MYH14: variants seen among roughly 807,000 people sequenced by gnomAD.
MYH14 encodes myosin-14.
Under a neutral mutation model 255.5 loss-of-function variants are expected in MYH14, and 123 were observed. The ratio of observed to expected loss-of-function variants is 0.48; its 90% CI spans 0.42 to 0.56. The LOEUF (loss-of-function observed/expected upper bound fraction) is 0.56, where lower values mean the gene tolerates loss of function less well. MYH14 is among the 20% of genes least tolerant of loss of function. The pLI is 0.00. For synonymous variants in MYH14, 1,095 were observed against 1,161.2 expected (o/e 0.94, Z 1.16); for missense variants, 2,423 against 2,802.3 (o/e 0.86, Z 3.06).
chr19:50,250,585 T>C lies in MYH14; in HGVS notation c.1727T>C (p.Phe576Ser). The C allele has an allele frequency of 6.2e-7, 1 of 1,613,950 alleles. No individual in the cohort carries two copies. Among genetic ancestry groups the C allele is most frequent in the Non-Finnish European group, 8.5e-7 (1 of 1,179,918 alleles). Residue 576 changes from phenylalanine to serine, a missense_variant, in exon 15 of 43, where the codon TTT becomes TCT. By Grantham distance (155) the Phe-to-Ser change is radical. Transcript: ENST00000642316. This position sits in a 1 kb window ranked among gnomAD's most constrained non-coding sequence, Gnocchi z 5.4. The part of the protein sequence containing the change: ...CWFPKATDKS[F>S]VEKVAQEQGG... Reference sequence around the variant, plus strand: ...TTCCCGAAGGCCACAGACAAGTCGTTTGTGGAGAAGGTAGCCCAGGAGCAG... The same window carrying C: ...TTCCCGAAGGCCACAGACAAGTCGTCTGTGGAGAAGGTAGCCCAGGAGCAG...
Position 50,223,069 on chromosome 19 carries a change from T to C in MYH14, c.563-14T>C. 1 of 1,612,906 alleles carries C rather than the reference T, an allele frequency of 6.2e-7. No homozygotes were observed. Among genetic ancestry groups the C allele is most frequent in the Non-Finnish European group, 8.5e-7 (1 of 1,178,920 alleles). ...TCTCTCAGATGACATATTCCCCCACTCTGTCCCCTACAGATCGTGAGGACC... is the reference window on the plus strand; with the variant it reads ...TCTCTCAGATGACATATTCCCCCACCCTGTCCCCTACAGATCGTGAGGACC... On this transcript the variant is annotated splice_polypyrimidine_tract_variant and intron_variant, in intron 3 of 42. Transcript: ENST00000642316.
Position 50,280,216 on chromosome 19 carries a change from C to G in MYH14, c.4138-15C>G, listed in dbSNP as rs1280138775. ...TCCCAGCCACACCTGACATTGCCGT[C>G]TCCTCCATCTACAGGAGCTGCTGCA... On this transcript the variant is annotated splice_polypyrimidine_tract_variant and intron_variant, in intron 31 of 42. Transcript: ENST00000642316. This position sits in a 1 kb window ranked among gnomAD's most constrained non-coding sequence, Gnocchi z 4.8. 1 of 1,553,078 alleles carries G rather than the reference C, an allele frequency of 6.4e-7. No individual in the cohort carries two copies. Among genetic ancestry groups the G allele is most frequent in the African/African-American group, 1.4e-5 (1 of 73,120 alleles).
chr19:50,222,253 G>C lies in MYH14; in HGVS notation c.563-830G>C, dbSNP rs548704830. Among the ~76,000 whole-genome samples the C allele has an allele frequency of 4.6e-5, 7 of 152,106 alleles. No homozygotes were observed. In the East Asian group the frequency reaches 1.2e-3, roughly 25 times the overall value. On this transcript the variant is annotated intron_variant, in intron 3 of 42. Coordinates refer to ENST00000642316, the MANE Select transcript of MYH14 (RefSeq NM_001145809.2). ...CCCAGCACTTTGGGAGGCCGAGGCCGGTGGATCACGAGGTCAGGAGATCGA... is the reference window on the plus strand; with the variant it reads ...CCCAGCACTTTGGGAGGCCGAGGCCCGTGGATCACGAGGTCAGGAGATCGA...
At chr19:50,231,543 T>C (rs1409239676) in intron 9 of MYH14, among the ~76,000 whole-genome samples, 1 of 151,786 alleles carries the variant, frequency 6.6e-6, no homozygotes, top group Non-Finnish European at 1.5e-5. Context: ...CCCCCATCTC[T>C]GTAAATAATA....
rs908404789 is a variant in MYH14 at position 50,289,768 on chromosome 19, C to T, written c.4965+120C>T. The stretch of plus-strand genomic sequence containing the variant: ...CCCACCCACCACTCTGTCTCCTCCA[C>T]CCGCCGACCACTCAGTATCTCCCCA... On this transcript the variant is annotated intron_variant, in intron 35 of 42. Transcript: ENST00000642316. 1.3e-5 allele frequency: 11 copies of T among 872,068 alleles called. No homozygotes were observed. In the Admixed American group the frequency reaches 2.4e-4, roughly 19 times the overall value. 54.0% of individuals were successfully genotyped at this position (872,068 alleles called of 1,614,324 possible). A position where few individuals can be genotyped will look rare whatever the true frequency, so the allele number is the denominator to read the frequency against.
intron 36 of MYH14, 120 bp from the exon 37 acceptor site, chr19:50,292,141 C>A: frequency 9.3e-7 from 1 of 1,075,468 alleles, no homozygotes; most frequent in Non-Finnish European, 1.3e-6. Context: ...CTGCAGGGTT[C>A]GGAGAGTTCC....
chr19:50,259,326 C>T (rs1358332429), intron 19 of MYH14, 61 bp downstream of exon 19: 2 of 1,542,688 alleles, frequency 1.3e-6, no homozygotes, highest in Non-Finnish European at 1.8e-6. Flanking sequence ...GGTCTGGAAG[C>T]CGACACACCT....
chr19:50,292,576 G>A (rs1289623786), intron 37 of MYH14, among the ~76,000 whole-genome samples, 187 bp downstream of exon 37: 1 of 150,350 alleles, frequency 6.7e-6, no homozygotes, highest in Non-Finnish European at 1.5e-5. Flanking sequence ...AGGTGGGCGG[G>A]GCTAACCACA....
rs117406720 is a variant in MYH14 at position 50,240,483 on chromosome 19, G to A, written c.1115-3759G>A. Among the ~76,000 whole-genome samples, 21 of 152,236 alleles carry A rather than the reference G, an allele frequency of 1.4e-4. No homozygotes were observed. The East Asian group carries it at 4.1e-3, about 29-fold the overall frequency. On this transcript the variant is annotated intron_variant, in intron 10 of 42. Transcript: ENST00000642316. ...GTAGTCCAGCTACTCAGAAGGCTGTGGTGAGAGGATCGCTTGAGCCCAGGA... is the reference window on the plus strand; with the variant it reads ...GTAGTCCAGCTACTCAGAAGGCTGTAGTGAGAGGATCGCTTGAGCCCAGGA...
In MYH14 at chr19:50,252,554, T is replaced by C; in HGVS notation, c.1831-85T>C. 4.3e-6 allele frequency: 4 copies of C among 934,540 alleles called. No individual in the cohort carries two copies. Among genetic ancestry groups the C allele is most frequent in the Non-Finnish European group, 5.1e-6 (3 of 587,746 alleles). The allele number at this position is 934,540 out of a possible 1,614,324, so 57.9% of individuals were successfully genotyped here. On this transcript the variant is annotated intron_variant, in intron 15 of 42. Coordinates refer to ENST00000642316, the MANE Select transcript of MYH14 (RefSeq NM_001145809.2). The surrounding 1 kb of genome is among the most constrained non-coding windows in gnomAD (Gnocchi z 4.2). ...ATGGTGAGCTCCAGACCTGGGAGTC[T>C]CAGAGCTTCTGGAAGGCTCCTTAGG...
At chr19:50,235,434 C>A (rs1269044815) in intron 10 of MYH14, among the ~76,000 whole-genome samples, 1 of 152,032 alleles carries the variant, frequency 6.6e-6, no homozygotes, top group East Asian at 1.9e-4. Context: ...AGAGACCCCC[C>A]TGGACCCTGG....
At chr19:50,251,152 G>A (rs2034355115) in intron 15 of MYH14, among the ~76,000 whole-genome samples, 1 of 152,142 alleles carries the variant, frequency 6.6e-6, no homozygotes, top group Non-Finnish European at 1.5e-5. Context: ...CAGAAGAGAA[G>A]TACCTGGGAA....
chr19:50,253,161 G>A (rs2034464809), intron 16 of MYH14, among the ~76,000 whole-genome samples: 1 of 152,152 alleles, frequency 6.6e-6, no homozygotes, highest in African/African-American at 2.4e-5. Context: ...AGGAGATTTG[G>A]CTGGGCATGG....
In MYH14 at chr19:50,210,503, G is replaced by A. The variant is rs2032124888; in HGVS notation, c.138G>A (p.Pro46=). ...AGGGPGSGTS[P]QVEWTARRLV... is the part of the protein sequence containing the mutation. Reference sequence around the variant, plus strand: ...GCGGGCCTGGCTCGGGCACCTCCCCGCAGGTGGAGTGGACGGCCCGGCGTC... The same window carrying A: ...GCGGGCCTGGCTCGGGCACCTCCCCACAGGTGGAGTGGACGGCCCGGCGTC... Residue 46 remains proline (P), a synonymous_variant, in exon 2 of 43, where the codon CCG becomes CCA. Transcript: ENST00000642316. 6 of 1,564,658 alleles carry A rather than the reference G, an allele frequency of 3.8e-6. 1 individual carries two copies. In the South Asian group the frequency reaches 4.7e-5, roughly 12 times the overall value.
chr19:50,220,155 G>A (rs1423275254), intron 3 of MYH14, among the ~76,000 whole-genome samples: 9 of 152,006 alleles, frequency 5.9e-5, no homozygotes, highest in South Asian at 4.2e-4. Flanking sequence ...TTTCCGTCCC[G>A]CACCCCAGCC....
At chr19:50,238,784 C>T (rs891703532) in intron 10 of MYH14, among the ~76,000 whole-genome samples, 1 of 152,064 alleles carries the variant, frequency 6.6e-6, no homozygotes, top group African/African-American at 2.4e-5. Flanking sequence ...TCTGCAAAGT[C>T]CCTTTTGCCA....
At chr19:50,255,663 T>A (rs2034567302) in intron 17 of MYH14, among the ~76,000 whole-genome samples, 1 of 152,088 alleles carries the variant, frequency 6.6e-6, no homozygotes, top group African/African-American at 2.4e-5. Context: ...TTAAGTAACT[T>A]GCTGAGGTCA....
intron 19 of MYH14, among the ~76,000 whole-genome samples, 161 bp downstream of exon 19, chr19:50,259,426 G>C (rs555161097): frequency 5.9e-5 from 9 of 152,224 alleles, no homozygotes; most frequent in Non-Finnish European, 7.3e-5. Flanking sequence ...TTACTCGTCT[G>C]TGTATGGGAG....
intron 15 of MYH14, among the ~76,000 whole-genome samples, chr19:50,251,569 C>CACACATAT (rs1491546469): frequency 8.3e-6 from 1 of 121,092 alleles, no homozygotes; most frequent in Non-Finnish European, 1.8e-5. Flanking sequence ...CACACACACA[C>CACACATAT]ATATATATAT....
Sources: allele counts gnomAD v4.1 joint callset (sites outside exome capture counted in the v4.1 genomes callset), GRCh38; gene constraint gnomAD v4.1.1; non-coding constraint Gnocchi (gnomAD v3.1); transcripts MANE v1.5; gene names NCBI Gene and HGNC (gene_info 2026-07-23, HGNC 2026-07-21).